Variants in PARD3B observed in about 807,000 individuals in gnomAD.
The protein encoded by PARD3B is partitioning defective 3 homolog B.
In PARD3B, 103 loss-of-function variants were observed where a neutral mutation model predicts 130.2. The ratio of observed to expected loss-of-function variants is 0.79; its 90% CI spans 0.67 to 0.93. PARD3B has a LOEUF of 0.93. Ranked by LOEUF, PARD3B falls within the 40% of genes least tolerant of loss-of-function variation. PARD3B has a pLI of 0.00. For synonymous variants in PARD3B, 583 were observed against 553.2 expected (o/e 1.05, Z -0.76); for missense variants, 1,609 against 1,499.2 (o/e 1.07, Z -1.21).
At chr2:205,165,861 AATTAC>A (rs1274115234) in intron 11 of PARD3B, among the ~76,000 whole-genome samples, 13 of 152,282 alleles carry the variant, frequency 8.5e-5, no homozygotes, top group Admixed American at 8.5e-4. Context: ...ACAATAACTG[AATTAC>A]ATAAATTTAA....
intron 16 of PARD3B, among the ~76,000 whole-genome samples, chr2:205,270,599 G>A (rs2040686569): frequency 6.6e-6 from 1 of 151,420 alleles, no homozygotes; most frequent in Non-Finnish European, 1.5e-5. Context: ...AAGAAAGAAA[G>A]AACACCCTAC....
chr2:204,983,653 C>T (rs984724796), intron 3 of PARD3B, among the ~76,000 whole-genome samples: 3 of 152,126 alleles, frequency 2.0e-5, no homozygotes, highest in African/African-American at 2.4e-5. Flanking sequence ...CTCTGACCTT[C>T]GTTCCGTTTC....
At chr2:205,310,719 C>CTTTTTTTTTTTTTTT (rs34032930) in intron 18 of PARD3B, among the ~76,000 whole-genome samples, 20 of 82,584 alleles carry the variant, frequency 2.4e-4, no homozygotes, top group East Asian at 4.0e-4. Context: ...TTCTTTCTTT[C>CTTTTTTTTTTTTTTT]TTTTTTTTTT....
At chr2:205,250,335 G>A (rs1214229349) in intron 16 of PARD3B, among the ~76,000 whole-genome samples, 5 of 152,008 alleles carry the variant, frequency 3.3e-5, no homozygotes, top group Non-Finnish European at 7.4e-5. Context: ...CAGTACTGAA[G>A]AAGGCCGATG....
At chr2:205,127,961 A>C (rs1361904750) in intron 10 of PARD3B, among the ~76,000 whole-genome samples, 5 of 152,168 alleles carry the variant, frequency 3.3e-5, no homozygotes. Flanking sequence ...TTTCTCTACA[A>C]GGGTCAAAGT....
intron 22 of PARD3B, among the ~76,000 whole-genome samples, chr2:205,597,211 T>C (rs573777855): frequency 2.6e-5 from 4 of 152,276 alleles, no homozygotes; most frequent in South Asian, 2.1e-4. Flanking sequence ...CCAGAGCCTA[T>C]TGTTCTCATC....
intron 20 of PARD3B, among the ~76,000 whole-genome samples, chr2:205,467,753 G>T (rs2048681504): frequency 6.6e-6 from 1 of 152,174 alleles, no homozygotes; most frequent in African/African-American, 2.4e-5. Flanking sequence ...TCAGTTGGAA[G>T]TTTTCTACAC....
At position 205,176,491 on chromosome 2, in the gene PARD3B, G is replaced by C; in HGVS notation, c.1838G>C (p.Cys613Ser). The C allele has an allele frequency of 6.2e-7, 1 of 1,612,674 alleles. No individual in the cohort carries two copies. Among genetic ancestry groups the C allele is most frequent in the Non-Finnish European group, 8.5e-7 (1 of 1,179,056 alleles). The change falls in exon 13 of 23, where the codon TGT becomes TCT. Residue 613 changes from cysteine to serine, a missense_variant. Physicochemically the swap from Cys to Ser is moderately radical, Grantham distance 112. Transcript: ENST00000406610. The surrounding 1 kb of genome is among the most constrained non-coding windows in gnomAD (Gnocchi z 5.3). ...GAFSKPCFENCQNAVTTSRRN... is the reference protein window; with the variant it reads ...GAFSKPCFENSQNAVTTSRRN... ...TTTTCCAAGCCATGCTTTGAGAACTGTCAAAATGCTGTAACCACCTCTAGG... is the reference window on the plus strand; with the variant it reads ...TTTTCCAAGCCATGCTTTGAGAACTCTCAAAATGCTGTAACCACCTCTAGG...
At chr2:204,802,772 A>G (rs912449966) in intron 2 of PARD3B, among the ~76,000 whole-genome samples, 1 of 152,096 alleles carries the variant, frequency 6.6e-6, no homozygotes, top group African/African-American at 2.4e-5. Flanking sequence ...ATTCTCACTC[A>G]TAAGTGGCAG....
intron 2 of PARD3B, among the ~76,000 whole-genome samples, chr2:204,838,222 G>A (rs1026060427): frequency 1.8e-4 from 27 of 152,008 alleles, no homozygotes; most frequent in South Asian, 1.0e-3. Flanking sequence ...TCACTCTGTC[G>A]CCCAGGCTGC....
rs1300108924 is a variant in PARD3B at position 205,244,620 on chromosome 2, G to A, written c.2141-1158G>A. ...CTTAAATGTTTGGTAGAATTCACCAGTGAAGCCATCTGGGCCTAGAGTTTT... is the reference window on the plus strand; with the variant it reads ...CTTAAATGTTTGGTAGAATTCACCAATGAAGCCATCTGGGCCTAGAGTTTT... On this transcript the variant is annotated intron_variant, in intron 15 of 22. Coordinates refer to ENST00000406610, the MANE Select transcript of PARD3B (RefSeq NM_001302769.2). The surrounding 1 kb of genome is among the most constrained non-coding windows in gnomAD (Gnocchi z 4.7). Among the ~76,000 whole-genome samples the A allele has an allele frequency of 6.6e-6, 1 of 152,114 alleles. No homozygotes were observed. The highest frequency in any genetic ancestry group is 2.4e-5 in the African/African-American group (1 of 41,412).
At chr2:205,511,952 A>T (rs1312385082) in intron 21 of PARD3B, among the ~76,000 whole-genome samples, 1 of 152,172 alleles carries the variant, frequency 6.6e-6, no homozygotes, top group Non-Finnish European at 1.5e-5. Flanking sequence ...CTGAGATTTA[A>T]CATCATTTGG....
chr2:204,746,612 TC>T (rs1367374143), intron 2 of PARD3B, among the ~76,000 whole-genome samples: 1 of 152,190 alleles, frequency 6.6e-6, no homozygotes, highest in African/African-American at 2.4e-5. Flanking sequence ...GTAAAAGTGT[TC>T]CTATTTCTCC....
chr2:204,784,110 G>A (rs942461938), intron 2 of PARD3B, among the ~76,000 whole-genome samples: 1 of 152,076 alleles, frequency 6.6e-6, no homozygotes, highest in Non-Finnish European at 1.5e-5. Context: ...GCTTAGATGT[G>A]GGCTGTCTGC....
At chr2:204,964,875 A>G (rs1431201540) in intron 2 of PARD3B, among the ~76,000 whole-genome samples, 1 of 152,148 alleles carries the variant, frequency 6.6e-6, no homozygotes, top group Non-Finnish European at 1.5e-5. Flanking sequence ...GGAAGCAGCC[A>G]TTTCATTCCT....
chr2:204,858,292 A>G (rs2045036424), intron 2 of PARD3B, among the ~76,000 whole-genome samples: 1 of 152,148 alleles, frequency 6.6e-6, no homozygotes, highest in South Asian at 2.1e-4. Context: ...AGCATTATCC[A>G]CAATAGCCAG....
chr2:205,605,790 C>CACTGGGAGG (rs1343654119), intron 22 of PARD3B, among the ~76,000 whole-genome samples: 2 of 152,212 alleles, frequency 1.3e-5, no homozygotes, highest in Admixed American at 1.3e-4. Context: ...GAGTGTGCTG[C>CACTGGGAGG]ACTGGGAGGA....
At chr2:204,964,613 G>A (rs1206059773) in intron 2 of PARD3B, among the ~76,000 whole-genome samples, 1 of 152,110 alleles carries the variant, frequency 6.6e-6, no homozygotes, top group Non-Finnish European at 1.5e-5. Flanking sequence ...ATTTATGCAA[G>A]ATCAGCACAA....
At position 204,689,321 on chromosome 2, in the gene PARD3B, C is replaced by T. The variant is rs1049271659; in HGVS notation, c.222+3039C>T. On this transcript the variant is annotated intron_variant, in intron 2 of 22. Transcript: ENST00000406610. This position sits in a 1 kb window ranked among gnomAD's most constrained non-coding sequence, Gnocchi z 5.2. Reference sequence around the variant, plus strand: ...ACTTGCTTTCCTAGTACAGCTTCCACGGGGACCAAGTCTCCACTGTGTTAC... The same window carrying T: ...ACTTGCTTTCCTAGTACAGCTTCCATGGGGACCAAGTCTCCACTGTGTTAC... Among the ~76,000 whole-genome samples the T allele has an allele frequency of 5.3e-5, 8 of 152,200 alleles. No homozygotes were observed. Among genetic ancestry groups the T allele is most frequent in the East Asian group, 3.9e-4 (2 of 5,168 alleles).
Sources: gnomAD v4.1 joint callset for allele counts (sites outside exome capture counted in the v4.1 genomes callset) on GRCh38, gnomAD v4.1.1 for gene constraint, Gnocchi (gnomAD v3.1) non-coding constraint, MANE v1.5 for transcripts, NCBI Gene and HGNC (gene_info 2026-07-23, HGNC 2026-07-21) for gene names.